The following GNAL variants were observed in gnomAD, a reference collection of about 807,000 sequenced individuals.
The protein encoded by GNAL is G protein subunit alpha L.
A neutral mutation model predicts 55.1 loss-of-function variants in GNAL; 18 were observed. That is an observed-to-expected ratio of 0.33 (90% confidence interval 0.23 to 0.48). The LOEUF is 0.48. GNAL is among the 20% of genes least tolerant of loss of function. GNAL has a pLI of 0.99. For synonymous variants in GNAL, 253 were observed against 237.0 expected, an observed-to-expected ratio of 1.07 and a Z score of -0.62; for missense variants, 412 against 614.1, an observed-to-expected ratio of 0.67 and a Z score of 3.48.
intron 1 of GNAL, among the ~76,000 whole-genome samples, chr18:11,714,079 C>T (rs1231097600): frequency 6.6e-6 from 1 of 152,216 alleles, no homozygotes; most frequent in African/African-American, 2.4e-5. Context: ...TAAACTGCAT[C>T]ACAAAAGTCA....
At chr18:11,841,844 C>T (rs561210441) in intron 5 of GNAL, among the ~76,000 whole-genome samples, 1 of 152,246 alleles carries the variant, frequency 6.6e-6, no homozygotes, top group South Asian at 2.1e-4. Context: ...GAATTACTTA[C>T]CTATCCCCCA....
intron 4 of GNAL, among the ~76,000 whole-genome samples, chr18:11,807,274 T>C (rs2034689113): frequency 2.0e-5 from 3 of 152,244 alleles, no homozygotes; most frequent in African/African-American, 4.8e-5. Flanking sequence ...TGAGCCCACC[T>C]GTAATGCGAT....
At chr18:11,798,833 T>C (rs1476229419) in intron 4 of GNAL, among the ~76,000 whole-genome samples, 1 of 152,078 alleles carries the variant, frequency 6.6e-6, no homozygotes, top group Non-Finnish European at 1.5e-5. Flanking sequence ...ATACGTTAAA[T>C]GGGGCTGGGC....
At chr18:11,814,405 G>T (rs1598482795) in intron 4 of GNAL, among the ~76,000 whole-genome samples, 1 of 152,134 alleles carries the variant, frequency 6.6e-6, no homozygotes, top group Non-Finnish European at 1.5e-5. Context: ...GCAGGTGCCT[G>T]TAATCCCAGC....
At chr18:11,850,132 A>G (rs915868727) in intron 5 of GNAL, among the ~76,000 whole-genome samples, 3 of 152,156 alleles carry the variant, frequency 2.0e-5, no homozygotes, top group Non-Finnish European at 4.4e-5. Flanking sequence ...CGTCAGTCAC[A>G]TTCTCCCCGC....
At chr18:11,734,911 G>A (rs2143456053) in intron 1 of GNAL, among the ~76,000 whole-genome samples, 1 of 147,460 alleles carries the variant, frequency 6.8e-6, no homozygotes, top group African/African-American at 2.5e-5. Flanking sequence ...ACCAAGTATA[G>A]AACCGGTTTG....
At chr18:11,824,263 G>T (rs113352803) in intron 4 of GNAL, among the ~76,000 whole-genome samples, 1 of 3,538 alleles carries the variant, frequency 2.8e-4, no homozygotes, top group South Asian at 0.026. Flanking sequence ...TGGCTGAGAT[G>T]GGGGGGGGGT....
At chr18:11,841,559 C>T (rs779217756) in intron 5 of GNAL, among the ~76,000 whole-genome samples, 7 of 150,562 alleles carry the variant, frequency 4.6e-5, no homozygotes, top group Non-Finnish European at 7.4e-5. Context: ...GCAGGAGAAT[C>T]GCTTGAACCT....
chr18:11,851,305 C>A (rs1237050224), intron 5 of GNAL: 2 of 566,482 alleles, frequency 3.5e-6, no homozygotes, highest in African/African-American at 1.9e-5. Flanking sequence ...TGGCGTCTTA[C>A]GTCCCACAGG....
At chr18:11,825,443 C>A (rs903924013) in intron 5 of GNAL, among the ~76,000 whole-genome samples, 1 of 152,078 alleles carries the variant, frequency 6.6e-6, no homozygotes, top group African/African-American at 2.4e-5. Flanking sequence ...TAGAAGTATA[C>A]CAGAAGGCTG....
At chr18:11,767,121 C>T (rs2033430674) in intron 4 of GNAL, among the ~76,000 whole-genome samples, 1 of 152,184 alleles carries the variant, frequency 6.6e-6, no homozygotes, top group Non-Finnish European at 1.5e-5. Context: ...GACTTCCCTC[C>T]CATATGCCAT....
intron 1 of GNAL, among the ~76,000 whole-genome samples, chr18:11,700,350 A>G (rs1339331961): frequency 3.9e-5 from 6 of 152,236 alleles, no homozygotes; most frequent in South Asian, 2.1e-4. Flanking sequence ...CCCTCTAGAC[A>G]TGCATTGAAG....
intron 4 of GNAL, among the ~76,000 whole-genome samples, chr18:11,757,943 AG>A (rs1244627656): frequency 6.6e-6 from 1 of 152,084 alleles, no homozygotes; most frequent in Non-Finnish European, 1.5e-5. Context: ...GAGTGGGTGC[AG>A]GTGGCGGCGG....
chr18:11,727,505 G>A (rs1370849585), intron 1 of GNAL, among the ~76,000 whole-genome samples: 1 of 152,208 alleles, frequency 6.6e-6, no homozygotes, highest in Non-Finnish European at 1.5e-5. Context: ...TAACGGATGG[G>A]CTGCAGCTTC....
At chr18:11,874,432 G>C (rs886776472) in intron 10 of GNAL, 3 of 149,768 alleles carry the variant, frequency 2.0e-5, no homozygotes, top group Admixed American at 6.8e-5. Context: ...TTGTGTAAAT[G>C]TCTAAAAAGT....
chr18:11,806,910 G>T (rs567200039), intron 4 of GNAL, among the ~76,000 whole-genome samples: 3 of 152,104 alleles, frequency 2.0e-5, no homozygotes, highest in Non-Finnish European at 4.4e-5. Flanking sequence ...CAAGTGATCC[G>T]CCCGCCTCGG....
At position 11,885,176 on chromosome 18, in the gene GNAL, G is replaced by T; in HGVS notation, c.*4041G>T. 1.5e-6 allele frequency: 1 copy of T among 647,284 alleles called. No individual in the cohort carries two copies. The highest frequency in any genetic ancestry group is 2.2e-6 in the Non-Finnish European group (1 of 460,426). 40.1% of individuals were successfully genotyped at this position (647,284 alleles called of 1,614,324 possible). On this transcript the variant is annotated 3_prime_UTR_variant, in exon 12 of 12. Transcript: ENST00000334049. ...AGGGTTTCCTCCACCTTTTTATGAA[G>T]TAAAAGAACCTGTCGTACCAGCATC...
chr18:11,812,104 T>C (rs2034831832), intron 4 of GNAL, among the ~76,000 whole-genome samples: 3 of 152,184 alleles, frequency 2.0e-5, no homozygotes, highest in Admixed American at 1.3e-4. Flanking sequence ...AGTCAAAAGC[T>C]AAAAAATTAA....
intron 4 of GNAL, among the ~76,000 whole-genome samples, chr18:11,817,430 C>G (rs2143606579): frequency 6.6e-6 from 1 of 152,322 alleles, no homozygotes; most frequent in Non-Finnish European, 1.5e-5. Context: ...CCTAGGCTCT[C>G]AGAACATTGC....
Sources: allele counts gnomAD v4.1 joint callset (sites outside exome capture counted in the v4.1 genomes callset), GRCh38; gene constraint gnomAD v4.1.1; transcripts MANE v1.5; gene names NCBI Gene and HGNC (gene_info 2026-07-23, HGNC 2026-07-21).